The following TIAM2 variants were observed in gnomAD, a reference collection of about 807,000 sequenced individuals.
The protein encoded by TIAM2 is rho guanine nucleotide exchange factor TIAM2.
Under a neutral mutation model 152.9 loss-of-function variants are expected in TIAM2, and 80 were observed. The observed-to-expected ratio is 0.52, with a 90% CI of 0.44 to 0.63. TIAM2 has a LOEUF of 0.63. Among genes scored for constraint, TIAM2 ranks in the 30% least tolerant of loss-of-function variants. The pLI is 0.00. For missense variants in TIAM2, 1,965 were observed against 2,120.1 expected (o/e 0.93, Z 1.44); for synonymous variants, 804 against 838.0 (o/e 0.96, Z 0.70).
At chr6:155,172,686 ATTTTTTTTTTTTTTTTTTT>A (rs113165280) in intron 9 of TIAM2, among the ~76,000 whole-genome samples, 2 of 19,644 alleles carry the variant, frequency 1.0e-4, no homozygotes, top group African/African-American at 3.4e-4. Flanking sequence ...ATATATATAT[ATTTTTTTTTTTTTTTTTTT>A]TTTTTTTCTT....
intron 14 of TIAM2, among the ~76,000 whole-genome samples, chr6:155,201,398 C>T (rs1781468714): frequency 6.6e-6 from 1 of 152,144 alleles, no homozygotes; most frequent in African/African-American, 2.4e-5. Flanking sequence ...ACGGTATTGT[C>T]TGTTACATGC....
chr6:155,014,986 A>T (rs1778548693), intron 1 of TIAM2, among the ~76,000 whole-genome samples: 1 of 151,950 alleles, frequency 6.6e-6, no homozygotes, highest in South Asian at 2.1e-4. Flanking sequence ...TGTGGTTAGG[A>T]TGTCTGGGTT....
chr6:154,996,069 T>TGG (rs200373571), intron 1 of TIAM2, among the ~76,000 whole-genome samples: 2 of 152,130 alleles, frequency 1.3e-5, no homozygotes, highest in African/African-American at 4.8e-5. Context: ...GCGCGGCTCC[T>TGG]GGGGGGGCTG....
At chr6:155,244,378 T>A (rs1459315341) in intron 17 of TIAM2, among the ~76,000 whole-genome samples, 1 of 152,248 alleles carries the variant, frequency 6.6e-6, no homozygotes, top group Non-Finnish European at 1.5e-5. Flanking sequence ...ACCACATAAT[T>A]AGTTCTACTG....
chr6:155,031,783 G>T (rs190847081), intron 1 of TIAM2, among the ~76,000 whole-genome samples: 10 of 152,208 alleles, frequency 6.6e-5, no homozygotes, highest in African/African-American at 2.4e-4. Flanking sequence ...AATATATTAG[G>T]AGATACTTCC....
rs549921748 is a variant in TIAM2 at position 155,017,705 on chromosome 6, G to A, written c.-209+22213G>A. Among the ~76,000 whole-genome samples the A allele has an allele frequency of 1.1e-4, 17 of 151,972 alleles. No individual in the cohort carries two copies. In the East Asian group the frequency reaches 1.2e-3, roughly 10 times the overall value. ...TTTTTTGTAGAAACGGGGTTTCACCGTGTTAGCCAGGATGGTCTCAATCTC... is the reference window on the plus strand; with the variant it reads ...TTTTTTGTAGAAACGGGGTTTCACCATGTTAGCCAGGATGGTCTCAATCTC... On this transcript the variant is annotated intron_variant, in intron 1 of 26. Coordinates refer to ENST00000682666, the MANE Select transcript of TIAM2 (RefSeq NM_012454.4).
chr6:155,113,729 A>T (rs1487145758), intron 2 of TIAM2, among the ~76,000 whole-genome samples: 2 of 151,942 alleles, frequency 1.3e-5, no homozygotes, highest in Non-Finnish European at 2.9e-5. Flanking sequence ...GTCTTAAAAA[A>T]ATTTATTTTC....
At chr6:155,065,732 G>A (rs974538401) in intron 1 of TIAM2, among the ~76,000 whole-genome samples, 5 of 152,262 alleles carry the variant, frequency 3.3e-5, no homozygotes, top group African/African-American at 9.6e-5. Flanking sequence ...GTGCGCCACT[G>A]CACTCCAGCT....
chr6:155,117,420 T>G (rs923331179), intron 2 of TIAM2, among the ~76,000 whole-genome samples: 3 of 152,124 alleles, frequency 2.0e-5, no homozygotes, highest in Non-Finnish European at 4.4e-5. Context: ...TCTCATAAAC[T>G]TGATGCTGTT....
At chr6:155,009,599 T>G (rs1365307109) in intron 1 of TIAM2, among the ~76,000 whole-genome samples, 1 of 152,192 alleles carries the variant, frequency 6.6e-6, no homozygotes, top group African/African-American at 2.4e-5. Flanking sequence ...ATATACCTCT[T>G]GGTCCAGGCA....
intron 11 of TIAM2, 110 bp from the exon 12 acceptor site, chr6:155,179,268 A>G (rs1286060411): frequency 9.8e-6 from 14 of 1,426,186 alleles, no homozygotes; most frequent in Admixed American, 1.7e-5. Context: ...CAGTCTCTAT[A>G]TAAACGGTAT....
intron 2 of TIAM2, among the ~76,000 whole-genome samples, chr6:155,109,482 T>TA: frequency 6.6e-6 from 1 of 152,092 alleles, no homozygotes; most frequent in Non-Finnish European, 1.5e-5. Flanking sequence ...TTAAAAACAG[T>TA]AAAAAGTAAT....
intron 1 of TIAM2, among the ~76,000 whole-genome samples, chr6:155,038,164 G>T (rs1776956974): frequency 1.3e-5 from 2 of 152,146 alleles, no homozygotes; most frequent in Non-Finnish European, 2.9e-5. Context: ...AATGAGGATG[G>T]TAATAAGTTT....
chr6:155,081,390 A>G (rs766350069), intron 1 of TIAM2, among the ~76,000 whole-genome samples: 1 of 132,424 alleles, frequency 7.6e-6, no homozygotes, highest in Non-Finnish European at 1.6e-5. Flanking sequence ...TGTCTTTATT[A>G]TAAATGAGTC....
At chr6:155,173,071 T>C (rs1439854414) in intron 9 of TIAM2, among the ~76,000 whole-genome samples, 1 of 151,958 alleles carries the variant, frequency 6.6e-6, no homozygotes, top group African/African-American at 2.4e-5. Flanking sequence ...CCAAGTAGCT[T>C]TTTCTTTTTC....
intron 1 of TIAM2, among the ~76,000 whole-genome samples, chr6:155,009,033 G>T (rs1437795957): frequency 2.0e-5 from 3 of 151,394 alleles, no homozygotes; most frequent in African/African-American, 7.3e-5. Flanking sequence ...GAATCACCTG[G>T]AGGGCTTGCT....
intron 14 of TIAM2, among the ~76,000 whole-genome samples, chr6:155,189,653 G>C (rs1469698662): frequency 6.6e-6 from 1 of 152,060 alleles, no homozygotes. Context: ...ACATAAAGGT[G>C]AATTACACAT....
intron 15 of TIAM2, among the ~76,000 whole-genome samples, chr6:155,236,972 T>C (rs1782794733): frequency 6.6e-6 from 1 of 152,210 alleles, no homozygotes; most frequent in South Asian, 2.1e-4. Context: ...CAATCATGCC[T>C]TCCCAACAGT....
chr6:155,195,143 A>T (rs909423812), intron 14 of TIAM2, among the ~76,000 whole-genome samples: 1 of 152,204 alleles, frequency 6.6e-6, no homozygotes, highest in African/African-American at 2.4e-5. Flanking sequence ...TTTATTTTTC[A>T]ACAAGATTCT....
Sources: allele counts gnomAD v4.1 joint callset (sites outside exome capture counted in the v4.1 genomes callset), GRCh38; gene constraint gnomAD v4.1.1; transcripts MANE v1.5; gene names NCBI Gene and HGNC (gene_info 2026-07-23, HGNC 2026-07-21).